PTBP3: variants seen among roughly 807,000 people sequenced by gnomAD.
PTBP3 encodes the protein polypyrimidine tract-binding protein 3.
In PTBP3, 20 loss-of-function variants were observed where a neutral mutation model predicts 58.7. The observed-to-expected ratio is 0.34, with a 90% CI of 0.24 to 0.50. The LOEUF is 0.50. Ranked by LOEUF, PTBP3 falls within the 20% of genes least tolerant of loss-of-function variation. The probability of loss-of-function intolerance (pLI) is 0.98; values close to 1 mark genes in which losing one functional copy is unlikely to be tolerated. For synonymous variants in PTBP3, 185 were observed against 219.8 expected (o/e 0.84, Z 1.40); for missense variants, 509 against 637.2 (o/e 0.80, Z 2.17).
At position 112,223,688 on chromosome 9, in the gene PTBP3, A is replaced by G. The variant is rs1834877872; in HGVS notation, c.*163T>C. 3 of 1,355,722 alleles carry G rather than the reference A, an allele frequency of 2.2e-6. No homozygotes were observed. The highest frequency in any genetic ancestry group is 1.9e-6 in the Non-Finnish European group (2 of 1,055,984). The allele number at this position is 1,355,722 out of a possible 1,614,324, so 84.0% of individuals were successfully genotyped here. ...ACCTTTGACTGGCGGGGGCAGGGGG[A>G]ATACAAAAAAAAAAAATCCCTTGAT... On this transcript the variant is annotated 3_prime_UTR_variant, in exon 14 of 14. Transcript: ENST00000374257.
intron 7 of PTBP3, among the ~76,000 whole-genome samples, chr9:112,247,422 G>A (rs191341420): frequency 2.2e-4 from 34 of 151,548 alleles, no homozygotes; most frequent in African/African-American, 7.0e-4. Context: ...ACCAGAAAAG[G>A]TTCTGTCATA....
the PTBP3 span, chr9:112,379,876 G>C: frequency 5.5e-6 from 3 of 547,200 alleles, no homozygotes; most frequent in African/African-American, 4.0e-5. Context: ...GTCACCGTAC[G>C]ACCAGTGAGG....
rs1457449796 is a variant in PTBP3, at chr9:112,275,902, G to C, written c.146C>G (p.Ser49Ter). ...TACTTTGCCAAATGGTAGACCTAAT[G>C]ATATGATCTCTGCTTCGGTGACATC... ...PCDVTEAEIISLGLPFGKVTN... is the reference protein window; with the variant it reads ...PCDVTEAEII The change falls in exon 3 of 14, where the codon TCA becomes TGA. Residue 49 changes from serine (S) to a stop codon, truncating the protein, a stop_gained. Coordinates refer to ENST00000374257, the MANE Select transcript of PTBP3 (RefSeq NM_001163788.4). LOFTEE classifies it high-confidence loss of function. 1 of 1,613,930 alleles carries C rather than the reference G, an allele frequency of 6.2e-7. No individual in the cohort carries two copies. Among genetic ancestry groups the C allele is most frequent in the Admixed American group, 1.7e-5 (1 of 60,018 alleles).
At chr9:112,238,204 T>C (rs1177140087) in intron 7 of PTBP3, among the ~76,000 whole-genome samples, 4 of 152,288 alleles carry the variant, frequency 2.6e-5, no homozygotes, top group Admixed American at 1.3e-4. Context: ...ATTTAAATAG[T>C]ATGTTTGAAA....
chr9:112,261,253 C>G (rs946732514), intron 5 of PTBP3, among the ~76,000 whole-genome samples: 1 of 152,126 alleles, frequency 6.6e-6, no homozygotes, highest in African/African-American at 2.4e-5. Flanking sequence ...TTCACAAATG[C>G]ATATGTTTTA....
chr9:112,345,619 G>A, the PTBP3 span, among the ~76,000 whole-genome samples: 2 of 151,172 alleles, frequency 1.3e-5, no homozygotes, highest in South Asian at 2.1e-4. Flanking sequence ...GACCTCAAGC[G>A]ATCCACCCAC....
chr9:112,364,343 T>G, the PTBP3 span, among the ~76,000 whole-genome samples: 1 of 152,056 alleles, frequency 6.6e-6, no homozygotes, highest in African/African-American at 2.4e-5. Flanking sequence ...ATACTAACCT[T>G]TTATAAGTAT....
chr9:112,226,153 A>T (rs1834981562), intron 12 of PTBP3, among the ~76,000 whole-genome samples: 1 of 152,040 alleles, frequency 6.6e-6, no homozygotes, highest in Non-Finnish European at 1.5e-5. Flanking sequence ...TGAGCTGCTA[A>T]ATTTCTCGGT....
At chr9:112,317,505 G>A (rs1239698815) in intron 1 of PTBP3, among the ~76,000 whole-genome samples, 1 of 152,024 alleles carries the variant, frequency 6.6e-6, no homozygotes, top group Non-Finnish European at 1.5e-5. Flanking sequence ...AATCAACACA[G>A]GAAATGAATA....
At chr9:112,263,895 A>T (rs182984327) in intron 4 of PTBP3, among the ~76,000 whole-genome samples, 1 of 152,248 alleles carries the variant, frequency 6.6e-6, no homozygotes, top group African/African-American at 2.4e-5. Context: ...TTTGTACCAT[A>T]ATGGAAACTT....
chr9:112,289,572 G>A (rs1056764076), intron 2 of PTBP3, among the ~76,000 whole-genome samples: 2 of 152,164 alleles, frequency 1.3e-5, no homozygotes, highest in Admixed American at 1.3e-4. Context: ...CTTGAGCCCA[G>A]AAGTTTGAGG....
At chr9:112,236,642 C>A (rs1835449741) in intron 7 of PTBP3, among the ~76,000 whole-genome samples, 1 of 152,174 alleles carries the variant, frequency 6.6e-6, no homozygotes, top group African/African-American at 2.4e-5. Flanking sequence ...ACTGGCCAAA[C>A]ATGACTTGCA....
the PTBP3 span, among the ~76,000 whole-genome samples, chr9:112,370,217 G>A: frequency 6.6e-6 from 1 of 152,140 alleles, no homozygotes; most frequent in Non-Finnish European, 1.5e-5. Context: ...TCCCACTTTT[G>A]ATTACTGTAA....
chr9:112,321,665 A>G (rs768019781), intron 1 of PTBP3, among the ~76,000 whole-genome samples: 2 of 152,192 alleles, frequency 1.3e-5, no homozygotes, highest in Non-Finnish European at 2.9e-5. Flanking sequence ...CAGAGTCACA[A>G]TCGAGGTATC....
chr9:112,250,157 G>A (rs372659109), intron 7 of PTBP3, among the ~76,000 whole-genome samples: 1 of 151,930 alleles, frequency 6.6e-6, no homozygotes, highest in African/African-American at 2.4e-5. Context: ...AAAACATGAT[G>A]AACTAAATAC....
intron 1 of PTBP3, among the ~76,000 whole-genome samples, chr9:112,320,000 T>C (rs926208688): frequency 2.0e-5 from 3 of 152,012 alleles, no homozygotes; most frequent in Non-Finnish European, 4.4e-5. Context: ...GAGAGTATAA[T>C]TGTGGTTACC....
the PTBP3 span, among the ~76,000 whole-genome samples, chr9:112,355,354 G>A: frequency 4.6e-5 from 7 of 152,312 alleles, no homozygotes; most frequent in East Asian, 1.9e-4. Context: ...AGGCCTTTGC[G>A]ATGGTTTATA....
chr9:112,303,478 T>C (rs1829037858), intron 1 of PTBP3, among the ~76,000 whole-genome samples: 1 of 152,228 alleles, frequency 6.6e-6, no homozygotes, highest in South Asian at 2.1e-4. Flanking sequence ...TTATACTAGA[T>C]TATATTCTTC....
chr9:112,374,433 C>T, the PTBP3 span, among the ~76,000 whole-genome samples: 1 of 152,146 alleles, frequency 6.6e-6, no homozygotes, highest in Non-Finnish European at 1.5e-5. Context: ...CCCCTTGATT[C>T]CTGGACCCAT....
Sources: allele counts gnomAD v4.1 joint callset (sites outside exome capture counted in the v4.1 genomes callset), GRCh38; gene constraint gnomAD v4.1.1; transcripts MANE v1.5; gene names NCBI Gene and HGNC (gene_info 2026-07-23, HGNC 2026-07-21).